The following CPNE4 variants were observed in gnomAD, a reference collection of about 807,000 sequenced individuals.
The protein encoded by CPNE4 is copine-4.
CPNE4 carries 25 observed loss-of-function variants against 67.9 expected under a neutral mutation model. The ratio of observed to expected loss-of-function variants is 0.37; its 90% CI spans 0.27 to 0.51. The LOEUF is 0.51. Ranked by LOEUF, CPNE4 falls within the 20% of genes least tolerant of loss-of-function variation. The pLI is 0.93. For missense variants in CPNE4, 464 were observed against 690.8 expected (o/e 0.67, Z 3.68); for synonymous variants, 242 against 244.9 (o/e 0.99, Z 0.11).
At chr3:131,844,930 C>T (rs1008786631) in intron 2 of CPNE4, among the ~76,000 whole-genome samples, 1 of 152,180 alleles carries the variant, frequency 6.6e-6, no homozygotes, top group African/African-American at 2.4e-5. Context: ...TCAAAAAGTG[C>T]AATTACTATG....
Position 131,564,362 on chromosome 3 carries a change from A to G in CPNE4, c.928-13T>C, listed in dbSNP as rs1176825367. The G allele has an allele frequency of 6.2e-7, 1 of 1,605,952 alleles. No individual in the cohort carries two copies. Among genetic ancestry groups the G allele is most frequent in the Non-Finnish European group, 8.5e-7 (1 of 1,176,666 alleles). ...AATCTATAGCTACCTAAAAGAGAAAAATACAAGAAAAGGTAAATTTAAAGT... is the reference window on the plus strand; with the variant it reads ...AATCTATAGCTACCTAAAAGAGAAAGATACAAGAAAAGGTAAATTTAAAGT... On this transcript the variant is annotated splice_polypyrimidine_tract_variant and intron_variant, in intron 10 of 15. Transcript: ENST00000429747.
At chr3:131,991,654 CAAGCCCACTGGAGAAATTT>C (rs2073176466) in intron 1 of CPNE4, among the ~76,000 whole-genome samples, 1 of 135,992 alleles carries the variant, frequency 7.4e-6, no homozygotes, top group African/African-American at 2.5e-5. Context: ...GGGAGAAATT[CAAGCCCACTGGAGAAATTT>C]GAGTAAGTAA....
chr3:131,964,394 G>C (rs192004527), intron 1 of CPNE4, among the ~76,000 whole-genome samples: 4 of 152,068 alleles, frequency 2.6e-5, no homozygotes, highest in South Asian at 4.2e-4. Context: ...ACAGAAGTAG[G>C]CTTCAGAAGG....
At chr3:131,818,917 T>C (rs769818251) in intron 2 of CPNE4, among the ~76,000 whole-genome samples, 6 of 152,100 alleles carry the variant, frequency 3.9e-5, no homozygotes, top group Non-Finnish European at 8.8e-5. Flanking sequence ...CTGGCCGACA[T>C]GGTGAAACCC....
intron 7 of CPNE4, among the ~76,000 whole-genome samples, chr3:131,597,591 C>T (rs952918377): frequency 2.6e-5 from 4 of 152,162 alleles, no homozygotes; most frequent in East Asian, 1.9e-4. Flanking sequence ...CATCACATAA[C>T]GTAACTGCTG....
At chr3:131,619,052 C>G (rs1196339431) in intron 7 of CPNE4, among the ~76,000 whole-genome samples, 4 of 152,018 alleles carry the variant, frequency 2.6e-5, no homozygotes, top group African/African-American at 7.3e-5. Flanking sequence ...AGGAAAATGA[C>G]CTGGTCAAGC....
chr3:131,657,562 G>A (rs2107636261), intron 7 of CPNE4, among the ~76,000 whole-genome samples: 1 of 135,998 alleles, frequency 7.4e-6, no homozygotes, highest in South Asian at 2.3e-4. Flanking sequence ...TTGAGAGGGA[G>A]TCTCACTCTG....
At chr3:131,994,759 T>G (rs986525696) in intron 1 of CPNE4, among the ~76,000 whole-genome samples, 1 of 152,140 alleles carries the variant, frequency 6.6e-6, no homozygotes, top group African/African-American at 2.4e-5. Flanking sequence ...ACTGGGGAGA[T>G]GGATAAAACA....
At chr3:132,006,960 C>A (rs532007659) in intron 1 of CPNE4, among the ~76,000 whole-genome samples, 3 of 152,270 alleles carry the variant, frequency 2.0e-5, no homozygotes, top group Admixed American at 6.5e-5. Context: ...AATTCCCCTG[C>A]TGAGAAGCTG....
At chr3:131,898,928 C>A (rs559584392) in intron 2 of CPNE4, among the ~76,000 whole-genome samples, 1 of 151,968 alleles carries the variant, frequency 6.6e-6, no homozygotes, top group African/African-American at 2.4e-5. Context: ...GAGTCTGATG[C>A]AAAATCACAG....
Position 131,587,514 on chromosome 3 carries a change from C to T in CPNE4, c.750G>A (p.Lys250=), listed in dbSNP as rs1938266020. 1 of 1,613,806 alleles carries T rather than the reference C, an allele frequency of 6.2e-7. No individual in the cohort carries two copies. The change falls in exon 8 of 16, where the codon AAG becomes AAA. Residue 250 remains lysine (K), a synonymous_variant. Transcript: ENST00000429747. The part of the protein sequence containing the change: ...DFIGEFTSTF[K]EMRGAMEGKQ... ...TCCCTTCCATTGCTCCTCTCATCTC[C>T]TTGAATGTCGAGGTGAATTCTCCAA...
At chr3:131,801,353 AC>A (rs146891062) in intron 2 of CPNE4, among the ~76,000 whole-genome samples, 2 of 111,910 alleles carry the variant, frequency 1.8e-5, no homozygotes, top group African/African-American at 6.2e-5. Flanking sequence ...ATATATATGT[AC>A]CATATATATA....
At chr3:131,873,514 G>C (rs917029240) in intron 2 of CPNE4, among the ~76,000 whole-genome samples, 2 of 152,122 alleles carry the variant, frequency 1.3e-5, no homozygotes, top group African/African-American at 4.8e-5. Flanking sequence ...TAGATCTTGA[G>C]ACCACTCTGA....
chr3:131,582,507 T>A (rs1937903418), intron 8 of CPNE4, among the ~76,000 whole-genome samples: 1 of 152,202 alleles, frequency 6.6e-6, no homozygotes, highest in African/African-American at 2.4e-5. Context: ...GAATTAGAAG[T>A]GTCTGAAAAT....
intron 1 of CPNE4, among the ~76,000 whole-genome samples, chr3:131,932,034 T>G (rs2071077582): frequency 6.6e-6 from 1 of 152,206 alleles, no homozygotes; most frequent in South Asian, 2.1e-4. Context: ...AGGCAATGTT[T>G]CCCATGCACA....
chr3:131,625,297 T>A (rs2079046684), intron 7 of CPNE4, among the ~76,000 whole-genome samples: 1 of 152,206 alleles, frequency 6.6e-6, no homozygotes, highest in South Asian at 2.1e-4. Flanking sequence ...TAAACAAACA[T>A]TTATTAGGCC....
intron 1 of CPNE4, among the ~76,000 whole-genome samples, chr3:131,987,198 C>T (rs2073072541): frequency 6.6e-6 from 1 of 152,082 alleles, no homozygotes. Context: ...ACATGAAAAG[C>T]TAATAAGCTA....
chr3:131,932,707 C>A (rs1292709900), intron 1 of CPNE4, among the ~76,000 whole-genome samples: 1 of 151,846 alleles, frequency 6.6e-6, no homozygotes, highest in Non-Finnish European at 1.5e-5. Context: ...GTGGGCAGAT[C>A]ATCTGAGGTC....
chr3:131,955,149 T>C (rs1224213236), intron 1 of CPNE4, among the ~76,000 whole-genome samples: 1 of 151,712 alleles, frequency 6.6e-6, no homozygotes, highest in Non-Finnish European at 1.5e-5. Context: ...GGCTAGGATT[T>C]TCAGTACAAG....
Sources: gnomAD v4.1 joint callset for allele counts (sites outside exome capture counted in the v4.1 genomes callset) on GRCh38, gnomAD v4.1.1 for gene constraint, MANE v1.5 for transcripts, NCBI Gene and HGNC (gene_info 2026-07-23, HGNC 2026-07-21) for gene names.